C3orf70: variants seen among roughly 807,000 people sequenced by gnomAD.
The protein encoded by C3orf70 is chromosome 3 open reading frame 70, also known as UPF0524 protein C3orf70.
Under a neutral mutation model 20.7 loss-of-function variants are expected in C3orf70, and 15 were observed. The ratio of observed to expected loss-of-function variants is 0.72; its 90% CI spans 0.48 to 1.11. C3orf70 has a LOEUF of 1.11. C3orf70 is among the 50% of genes most tolerant of loss of function. The pLI is 0.00. For synonymous variants in C3orf70, 161 were observed against 125.7 expected (o/e 1.28, Z -1.88); for missense variants, 332 against 317.6 (o/e 1.05, Z -0.34).
intron 1 of C3orf70, among the ~76,000 whole-genome samples, chr3:185,125,684 T>A (rs1305239418): frequency 6.6e-6 from 1 of 152,204 alleles, no homozygotes; most frequent in Admixed American, 6.5e-5. Context: ...CAACTACTGA[T>A]ATACTCGACA....
At position 185,082,948 on chromosome 3, in the gene C3orf70, C is replaced by T. The variant is rs1211925173; in HGVS notation, c.*59G>A. 2.3e-5 allele frequency: 35 copies of T among 1,526,314 alleles called. 1 individual carries two copies. The highest frequency in any genetic ancestry group is 2.7e-5 in the Non-Finnish European group (30 of 1,127,576). 94.5% of individuals were successfully genotyped at this position (1,526,314 alleles called of 1,614,324 possible). ...CAACAGCATTGGAAAAAAGGATCCA[C>T]CAGACAAAGGTACAAAAGCTCGGCG... On this transcript the variant is annotated 3_prime_UTR_variant, in exon 2 of 2. Coordinates refer to ENST00000335012, the MANE Select transcript of C3orf70 (RefSeq NM_001025266.3).
At chr3:185,134,439 G>A (rs190758411) in intron 1 of C3orf70, among the ~76,000 whole-genome samples, 100 of 152,260 alleles carry the variant, frequency 6.6e-4, no homozygotes, top group Non-Finnish European at 1.3e-3. Flanking sequence ...TGACCAACTA[G>A]GAACCTCGGG....
At chr3:185,090,929 T>C (rs537283304) in intron 1 of C3orf70, among the ~76,000 whole-genome samples, 1 of 152,324 alleles carries the variant, frequency 6.6e-6, no homozygotes. Context: ...TAAAATTGCA[T>C]GTATAACTTC....
intron 1 of C3orf70, among the ~76,000 whole-genome samples, chr3:185,109,175 T>C (rs539490290): frequency 3.9e-5 from 6 of 152,312 alleles, no homozygotes; most frequent in Admixed American, 3.9e-4. Flanking sequence ...CATTATTAAC[T>C]TTAAATTTTT....
intron 1 of C3orf70, among the ~76,000 whole-genome samples, chr3:185,128,389 A>G (rs1022444549): frequency 6.6e-6 from 1 of 152,090 alleles, no homozygotes; most frequent in Non-Finnish European, 1.5e-5. Context: ...TTAGCCGGGC[A>G]TGGTGGCACA....
chr3:185,082,933 G>T lies in C3orf70; in HGVS notation c.*74C>A. ...GTGGGTAGAAAATATCAACAGCATT[G>T]GAAAAAAGGATCCACCAGACAAAGG... On this transcript the variant is annotated 3_prime_UTR_variant, in exon 2 of 2. Coordinates refer to ENST00000335012, the MANE Select transcript of C3orf70 (RefSeq NM_001025266.3). The T allele has an allele frequency of 6.8e-7, 1 of 1,469,360 alleles. No individual in the cohort carries two copies. Among genetic ancestry groups the T allele is most frequent in the Non-Finnish European group, 9.3e-7 (1 of 1,079,064 alleles). The allele number at this position is 1,469,360 out of a possible 1,614,324, so 91.0% of individuals were successfully genotyped here. A position where few individuals can be genotyped will look rare whatever the true frequency, so the allele number is the denominator to read the frequency against.
chr3:185,091,900 C>CACAT (rs1561330478), intron 1 of C3orf70, among the ~76,000 whole-genome samples: 1 of 18,660 alleles, frequency 5.4e-5, no homozygotes, highest in Non-Finnish European at 1.9e-4. Flanking sequence ...CACACATACA[C>CACAT]ACACACACAT....
At chr3:185,123,713 C>T (rs902118548) in intron 1 of C3orf70, among the ~76,000 whole-genome samples, 1 of 151,932 alleles carries the variant, frequency 6.6e-6, no homozygotes, top group Non-Finnish European at 1.5e-5. Context: ...TGTTACTATA[C>T]CTGAATATTT....
intron 1 of C3orf70, among the ~76,000 whole-genome samples, chr3:185,143,638 T>C (rs1260616280): frequency 7.9e-5 from 12 of 152,162 alleles, no homozygotes; most frequent in Non-Finnish European, 1.8e-4. Context: ...AAAAATCCTG[T>C]GAATTTGAGT....
chr3:185,080,102 G>T lies in C3orf70; in HGVS notation c.*2905C>A, dbSNP rs1407546174. On this transcript the variant is annotated 3_prime_UTR_variant, in exon 2 of 2. Transcript: ENST00000335012. ...TTTCAGAGTGTTATCAACAGTGCTAGGACAAAAATAAATCTTGTGCTTATT... is the reference window on the plus strand; with the variant it reads ...TTTCAGAGTGTTATCAACAGTGCTATGACAAAAATAAATCTTGTGCTTATT... 1 of 152,600 alleles carries T rather than the reference G, an allele frequency of 6.6e-6. No homozygotes were observed. The highest frequency in any genetic ancestry group is 2.4e-5 in the African/African-American group (1 of 41,428). 9.5% of individuals were successfully genotyped at this position (152,600 alleles called of 1,614,324 possible). A position where few individuals can be genotyped will look rare whatever the true frequency, so the allele number is the denominator to read the frequency against.
intron 1 of C3orf70, among the ~76,000 whole-genome samples, chr3:185,091,963 A>ATTTT (rs146504613): frequency 6.3e-5 from 1 of 15,766 alleles, no homozygotes; most frequent in Admixed American, 9.5e-4. Context: ...ATATATATAT[A>ATTTT]TTTTTTTTTT....
intron 1 of C3orf70, among the ~76,000 whole-genome samples, chr3:185,088,525 T>C (rs1715503138): frequency 6.6e-6 from 1 of 150,796 alleles, no homozygotes; most frequent in Non-Finnish European, 1.5e-5. Context: ...TATAAATCTA[T>C]GATTTTTTTT....
Position 185,083,472 on chromosome 3 carries a change from C to G in C3orf70, c.288G>C (p.Gln96His). The G allele has an allele frequency of 6.2e-7, 1 of 1,614,164 alleles. No homozygotes were observed. Among genetic ancestry groups the G allele is most frequent in the South Asian group, 1.1e-5 (1 of 91,072 alleles). Residue 96 changes from glutamine to histidine, a missense_variant, in exon 2 of 2, where the codon CAG (glutamine) becomes CAC (histidine). Physicochemically the swap from Gln to His is conservative, Grantham distance 24 (BLOSUM62 0). Coordinates refer to ENST00000335012, the MANE Select transcript of C3orf70 (RefSeq NM_001025266.3). ...AGTGTTCGGTGAGCGAGACTGAGAT[C>G]TGAATGGTGTTTGTGGGTTCCCGAG... ...ARPREPTNTI[Q>H]ISVSLTEHFL...
intron 1 of C3orf70, among the ~76,000 whole-genome samples, chr3:185,134,633 A>C (rs1716586127): frequency 6.6e-6 from 1 of 152,176 alleles, no homozygotes; most frequent in African/African-American, 2.4e-5. Context: ...GCAACCTAAA[A>C]TGACAAAAAA....
intron 1 of C3orf70, among the ~76,000 whole-genome samples, chr3:185,113,535 G>A (rs1716118314): frequency 6.6e-6 from 1 of 152,110 alleles, no homozygotes; most frequent in African/African-American, 2.4e-5. Flanking sequence ...TAATGAACAA[G>A]CATAGAAGGA....
chr3:185,097,675 C>T (rs1389384604), intron 1 of C3orf70, among the ~76,000 whole-genome samples: 1 of 152,140 alleles, frequency 6.6e-6, no homozygotes, highest in Admixed American at 6.5e-5. Context: ...AGCTCTTTTC[C>T]CAGGAACCTG....
intron 1 of C3orf70, among the ~76,000 whole-genome samples, chr3:185,087,714 A>AAAAG (rs2108587177): frequency 6.6e-6 from 1 of 152,218 alleles, no homozygotes; most frequent in African/African-American, 2.4e-5. Context: ...TTACAAGATG[A>AAAAG]AAAGAGATGT....
At chr3:185,150,549 A>C (rs116556243) in intron 1 of C3orf70, among the ~76,000 whole-genome samples, 392 of 152,342 alleles carry the variant, frequency 2.6e-3, no homozygotes, top group Non-Finnish European at 4.2e-3. Flanking sequence ...TTAAAAAAAA[A>C]CAAAACAGCT....
At chr3:185,100,127 A>G (rs1250602522) in intron 1 of C3orf70, among the ~76,000 whole-genome samples, 1 of 152,144 alleles carries the variant, frequency 6.6e-6, no homozygotes, top group South Asian at 2.1e-4. Flanking sequence ...CCCCACCAAC[A>G]GTATTAGATC....
Sources: gnomAD v4.1 joint callset for allele counts (sites outside exome capture counted in the v4.1 genomes callset) on GRCh38, gnomAD v4.1.1 for gene constraint, MANE v1.5 for transcripts, NCBI Gene and HGNC (gene_info 2026-07-23, HGNC 2026-07-21) for gene names.